MGST2: variants seen among roughly 807,000 people sequenced by gnomAD.
The protein encoded by MGST2 is glutathione peroxidase MGST2.
A neutral mutation model predicts 16.6 loss-of-function variants in MGST2; 9 were observed. That is an observed-to-expected ratio of 0.54 (90% CI 0.33 to 0.95). The LOEUF is 0.95. Ranked by LOEUF, MGST2 falls within the 40% of genes least tolerant of loss-of-function variation. The pLI is 0.03. For missense variants in MGST2, 159 were observed against 175.1 expected (o/e 0.91, Z 0.52); for synonymous variants, 79 against 68.0 (o/e 1.16, Z -0.79).
At position 139,703,547 on chromosome 4, in the gene MGST2, C is replaced by T; in HGVS notation, c.311+11C>T. 1.2e-6 allele frequency: 2 copies of T among 1,611,408 alleles called. No homozygotes were observed. Among genetic ancestry groups the T allele is most frequent in the Admixed American group, 3.3e-5 (2 of 59,980 alleles). On this transcript the variant is annotated intron_variant, in intron 4 of 4. Transcript: ENST00000265498. ...AGCTGCTAAAAAACGGTAAGGAGAA[C>T]CCAGTAATTTTGTATTTATGCAAAA...
At chr4:139,707,929 T>G (rs868828728), downstream of MGST2, among the ~76,000 whole-genome samples, 1,406 of 152,036 alleles carry the variant, frequency 9.2e-3, 22 homozygotes, top group African/African-American at 0.031. Flanking sequence ...TAAATTTGTT[T>G]GAGTTCATTG....
At chr4:139,727,175 G>A (rs1005790655) in intron 5 of MGST2, among the ~76,000 whole-genome samples, 4 of 152,260 alleles carry the variant, frequency 2.6e-5, no homozygotes, top group Admixed American at 2.6e-4. Flanking sequence ...TACAAGGCCA[G>A]CCAGTATTCT....
intron 5 of MGST2, among the ~76,000 whole-genome samples, chr4:139,712,861 C>G (rs1727792517): frequency 6.6e-6 from 1 of 152,234 alleles, no homozygotes; most frequent in African/African-American, 2.4e-5. Flanking sequence ...TGACCCATTT[C>G]TCCAATTGTG....
chr4:139,679,760 T>A (rs1291087379), intron 2 of MGST2, among the ~76,000 whole-genome samples: 1 of 151,910 alleles, frequency 6.6e-6, no homozygotes, highest in African/African-American at 2.4e-5. Context: ...TTGTAAGAGG[T>A]GTGTAGACTT....
intron 2 of MGST2, chr4:139,685,206 G>C (rs1731495373): frequency 1.3e-5 from 2 of 152,598 alleles, no homozygotes; most frequent in Admixed American, 1.3e-4. Context: ...ATTGTTTGGA[G>C]GTTCCAGCAG....
intron 2 of MGST2, among the ~76,000 whole-genome samples, chr4:139,690,044 T>A (rs1305022712): frequency 6.6e-6 from 1 of 152,148 alleles, no homozygotes; most frequent in Non-Finnish European, 1.5e-5. Flanking sequence ...CAGGCTGGAG[T>A]GCAGTGGTGC....
In MGST2 at chr4:139,728,638, A is replaced by T. The variant is rs1728574427; in HGVS notation, c.*49-11574A>T. 2.0e-5 allele frequency among the ~76,000 whole-genome samples: 3 copies of T among 152,152 alleles called. No individual in the cohort carries two copies. In the South Asian group the frequency reaches 6.2e-4, roughly 32 times the overall value. On this transcript the variant is annotated intron_variant, in intron 5 of 5. Coordinates refer to the MGST2 transcript ENST00000616265. ...CTTTTGGTACACACAGTTGCTACGGAATGATCCACAGGTCACGGCTTCCCA... is the reference window on the plus strand; with the variant it reads ...CTTTTGGTACACACAGTTGCTACGGTATGATCCACAGGTCACGGCTTCCCA...
chr4:139,725,284 C>T (rs1728423155), intron 5 of MGST2, among the ~76,000 whole-genome samples: 1 of 152,184 alleles, frequency 6.6e-6, no homozygotes, highest in Admixed American at 6.5e-5. Context: ...TCCACTTCAG[C>T]TTTAGAGGTA....
chr4:139,745,916 GAGA>G, the MGST2 span, among the ~76,000 whole-genome samples: 1 of 152,170 alleles, frequency 6.6e-6, no homozygotes, highest in African/African-American at 2.4e-5. Flanking sequence ...CAACAACTTG[GAGA>G]AGAAGAAACC....
At chr4:139,722,755 G>A (rs76353954) in intron 5 of MGST2, among the ~76,000 whole-genome samples, 2 of 152,068 alleles carry the variant, frequency 1.3e-5, no homozygotes, top group Non-Finnish European at 2.9e-5. Context: ...TGAGAGTATG[G>A]GATAGGTTCT....
chr4:139,728,413 C>T (rs1005185755), intron 5 of MGST2, among the ~76,000 whole-genome samples: 1 of 152,214 alleles, frequency 6.6e-6, no homozygotes, highest in African/African-American at 2.4e-5. Flanking sequence ...GTGTGCAGCA[C>T]ATACAGCTTC....
At chr4:139,681,081 A>G (rs895978435) in intron 2 of MGST2, among the ~76,000 whole-genome samples, 1 of 151,942 alleles carries the variant, frequency 6.6e-6, no homozygotes, top group Non-Finnish European at 1.5e-5. Flanking sequence ...CAGTGGCACA[A>G]TCTCACCTCA....
intron 5 of MGST2, chr4:139,719,615 T>C: frequency 6.2e-7 from 1 of 1,612,840 alleles, no homozygotes; most frequent in Non-Finnish European, 8.5e-7. Context: ...TGGCCTCGCC[T>C]GGCTGGTGCC....
chr4:139,719,698 G>A, intron 5 of MGST2: 1 of 1,613,596 alleles, frequency 6.2e-7, no homozygotes, highest in Non-Finnish European at 8.5e-7. Flanking sequence ...CTGTGCCCGT[G>A]TTAGCATCCA....
chr4:139,699,105 A>T (rs974900743), intron 3 of MGST2, among the ~76,000 whole-genome samples: 9 of 152,250 alleles, frequency 5.9e-5, no homozygotes, highest in African/African-American at 2.2e-4. Context: ...GCGATACGCA[A>T]TTTTCTGGAA....
chr4:139,745,420 G>C (rs539767041), downstream of MGST2, among the ~76,000 whole-genome samples: 11 of 152,320 alleles, frequency 7.2e-5, no homozygotes, highest in South Asian at 2.3e-3. Context: ...GGGCAGGAAG[G>C]GTTGGGAGGT....
intron 1 of MGST2, 30 bp downstream of exon 1, chr4:139,666,107 CGCGT>C (rs750260971): frequency 1.5e-5 from 18 of 1,174,924 alleles, no homozygotes; most frequent in Non-Finnish European, 1.8e-5. Context: ...CGTGTGTGTG[CGCGT>C]GTGTGCGTGT....
chr4:139,723,306 GT>G (rs954168316), intron 5 of MGST2, among the ~76,000 whole-genome samples: 1 of 151,564 alleles, frequency 6.6e-6, no homozygotes, highest in Admixed American at 6.6e-5. Flanking sequence ...TTTGTCTCTG[GT>G]TTTTTTTGTT....
intron 5 of MGST2, chr4:139,720,405 G>C: frequency 7.7e-7 from 1 of 1,306,276 alleles, no homozygotes. Context: ...TTTTCTTTGG[G>C]AATGACAAAA....
Sources: gnomAD v4.1 joint callset for allele counts (sites outside exome capture counted in the v4.1 genomes callset) on GRCh38, gnomAD v4.1.1 for gene constraint, MANE v1.5 for transcripts, NCBI Gene and HGNC (gene_info 2026-07-23, HGNC 2026-07-21) for gene names.